The following MARCHF6 variants were observed in gnomAD, a reference collection of about 807,000 sequenced individuals.
MARCHF6 encodes the protein membrane associated ring-CH-type finger 6.
A neutral mutation model predicts 133.7 loss-of-function variants in MARCHF6; 31 were observed. The observed-to-expected ratio is 0.23, with a 90% confidence interval of 0.17 to 0.31. MARCHF6 has a LOEUF of 0.31. Ranked by LOEUF, MARCHF6 falls within the 10% of genes least tolerant of loss-of-function variation. The pLI, the probability that MARCHF6 is intolerant of heterozygous loss-of-function variation, is 1.00. For missense variants in MARCHF6, 723 were observed against 1,121.6 expected (o/e 0.64, Z 5.08); for synonymous variants, 395 against 402.5 (o/e 0.98, Z 0.22).
intron 1 of MARCHF6, among the ~76,000 whole-genome samples, chr5:10,368,218 A>G (rs1005667413): frequency 6.6e-6 from 1 of 152,180 alleles, no homozygotes; most frequent in Non-Finnish European, 1.5e-5. Context: ...TATGTTTGTA[A>G]TAGTCGTACT....
chr5:10,359,864 G>C (rs1430274616), intron 1 of MARCHF6, among the ~76,000 whole-genome samples: 1 of 152,052 alleles, frequency 6.6e-6, no homozygotes, highest in Admixed American at 6.6e-5. Context: ...AAATTAGCTG[G>C]ATGTGGTGGC....
intron 22 of MARCHF6, 57 bp downstream of exon 22, chr5:10,417,461 A>G (rs1178074289): frequency 6.2e-7 from 1 of 1,607,152 alleles, no homozygotes; most frequent in Non-Finnish European, 8.5e-7. Context: ...TCAGAAAATA[A>G]TCCTAGCCAG....
chr5:10,433,073 A>G (rs766069930), intron 25 of MARCHF6, among the ~76,000 whole-genome samples: 1 of 151,980 alleles, frequency 6.6e-6, no homozygotes, highest in Non-Finnish European at 1.5e-5. Context: ...TATTTTTAGT[A>G]GAGATGGGGT....
intron 1 of MARCHF6, among the ~76,000 whole-genome samples, chr5:10,370,868 T>C (rs771505691): frequency 3.3e-5 from 5 of 152,228 alleles, no homozygotes; most frequent in African/African-American, 4.8e-5. Context: ...TAATGTATGT[T>C]TTACTCGATG....
At chr5:10,415,766 T>TA (rs1233529542) in intron 21 of MARCHF6, 97 bp downstream of exon 21, 3 of 1,006,014 alleles carry the variant, frequency 3.0e-6, no homozygotes, top group Non-Finnish European at 4.3e-6. Context: ...TTTATTTCCT[T>TA]ACTATATTGT....
In MARCHF6 at chr5:10,382,120, C is replaced by T. The variant is rs143223676; in HGVS notation, c.334+177C>T. 2.4e-3 allele frequency among the ~76,000 whole-genome samples: 359 copies of T among 152,270 alleles called. 1 individual carries two copies. The highest frequency in any genetic ancestry group is 8.2e-3 in the Admixed American group (125 of 15,298). ...TCATCGGAACTAAGAATGAGTTTAA[C>T]AGGTCAGTTTTTTGAGTGAATGTGG... On this transcript the variant is annotated intron_variant, in intron 4 of 25. Coordinates refer to ENST00000274140, the MANE Select transcript of MARCHF6 (RefSeq NM_005885.4).
Position 10,426,298 on chromosome 5 carries a change from G to T in MARCHF6, c.2374-92G>T. The T allele has an allele frequency of 2.1e-6, 3 of 1,407,766 alleles. No individual in the cohort carries two copies. The South Asian group carries it at 4.0e-5, about 19-fold the overall frequency. 87.2% of individuals were successfully genotyped at this position (1,407,766 alleles called of 1,614,324 possible). A position where few individuals can be genotyped will look rare whatever the true frequency, so the allele number is the denominator to read the frequency against. The stretch of plus-strand genomic sequence containing the variant: ...GAAGTAACCAGTTTGACTATTTTTG[G>T]GTTGGCAGATTCAGTTGTGTGGAGA... On this transcript the variant is annotated intron_variant, in intron 23 of 25. Coordinates refer to ENST00000274140, the MANE Select transcript of MARCHF6 (RefSeq NM_005885.4).
At position 10,423,834 on chromosome 5, in the gene MARCHF6, A is replaced by G; in HGVS notation, c.2373+10A>G. On this transcript the variant is annotated intron_variant, in intron 23 of 25. Coordinates refer to ENST00000274140, the MANE Select transcript of MARCHF6 (RefSeq NM_005885.4). The stretch of plus-strand genomic sequence containing the variant: ...AACTGTAATTGAACAGGTAAGCAAA[A>G]TCAGTTTTCAGAGAAAGACATTCTG... 4 of 1,592,850 alleles carry G rather than the reference A, an allele frequency of 2.5e-6. No individual in the cohort carries two copies. Among genetic ancestry groups the G allele is most frequent in the Non-Finnish European group, 3.4e-6 (4 of 1,163,066 alleles).
At chr5:10,357,433 T>C (rs933492941) in intron 1 of MARCHF6, among the ~76,000 whole-genome samples, 5 of 152,122 alleles carry the variant, frequency 3.3e-5, no homozygotes, top group African/African-American at 1.2e-4. Flanking sequence ...GTAATTTTAT[T>C]ACAGAATACC....
chr5:10,378,846 A>G lies in MARCHF6; in HGVS notation c.190+14A>G, dbSNP rs370685023. On this transcript the variant is annotated intron_variant, in intron 3 of 25. Transcript: ENST00000274140. ...CTTTTACACCAAGTAAGTTCTTTAG[A>G]CATTTTCACTGCATTTTTTTTGGTT... 25 of 1,578,640 alleles carry G rather than the reference A, an allele frequency of 1.6e-5. No homozygotes were observed. The Middle Eastern group carries it at 5.0e-4, about 32-fold the overall frequency.
At chr5:10,376,835 T>C (rs1397183966) in intron 1 of MARCHF6, among the ~76,000 whole-genome samples, 1 of 152,184 alleles carries the variant, frequency 6.6e-6, no homozygotes, top group Admixed American at 6.5e-5. Flanking sequence ...GCATTAGTGA[T>C]GGGGATCGGG....
intron 1 of MARCHF6, among the ~76,000 whole-genome samples, chr5:10,375,640 G>A (rs531320445): frequency 1.0e-3 from 158 of 152,382 alleles, no homozygotes; most frequent in African/African-American, 3.6e-3. Flanking sequence ...TGGGGACGTG[G>A]AGAGTCTTTA....
rs1740684772 is a variant in MARCHF6 at position 10,437,115 on chromosome 5, TG to T, written c.*3432del. 1 of 152,274 alleles carries T rather than the reference TG, an allele frequency of 6.6e-6. No individual in the cohort carries two copies. Among genetic ancestry groups the T allele is most frequent in the Non-Finnish European group, 1.5e-5 (1 of 68,044 alleles). 9.4% of individuals were successfully genotyped at this position (152,274 alleles called of 1,614,324 possible). On this transcript the variant is annotated 3_prime_UTR_variant, in exon 26 of 26. Coordinates refer to ENST00000274140, the MANE Select transcript of MARCHF6 (RefSeq NM_005885.4). The stretch of plus-strand genomic sequence containing the variant: ...CTACATTGTATTGCGTTTGCGAATG[TG>T]CGTGAACACACGCACACGTGCAGGA...
chr5:10,424,028 C>G (rs1052036642), intron 23 of MARCHF6, among the ~76,000 whole-genome samples: 1 of 150,404 alleles, frequency 6.6e-6, no homozygotes, highest in African/African-American at 2.4e-5. Context: ...GTTCTCAACC[C>G]TTGTTTTTTT....
chr5:10,409,066 CCA>C (rs1329390158), intron 17 of MARCHF6, among the ~76,000 whole-genome samples: 1 of 152,092 alleles, frequency 6.6e-6, no homozygotes, highest in Admixed American at 6.6e-5. Flanking sequence ...AGCAATCCTT[CCA>C]CTTTGGTCGC....
intron 24 of MARCHF6, among the ~76,000 whole-genome samples, chr5:10,428,524 T>TA (rs1318981770): frequency 2.0e-5 from 3 of 151,980 alleles, no homozygotes; most frequent in Non-Finnish European, 2.9e-5. Flanking sequence ...GTCTTTTTGT[T>TA]AGAGACAGGG....
At chr5:10,392,188 ACC>A (rs1737900197) in intron 7 of MARCHF6, among the ~76,000 whole-genome samples, 1 of 152,088 alleles carries the variant, frequency 6.6e-6, no homozygotes, top group Non-Finnish European at 1.5e-5. Flanking sequence ...CGATCTCCTG[ACC>A]TTGTGAGCCG....
At chr5:10,399,998 A>G (rs1268636953) in intron 10 of MARCHF6, among the ~76,000 whole-genome samples, 16 of 152,148 alleles carry the variant, frequency 1.1e-4, no homozygotes, top group Admixed American at 1.0e-3. Context: ...TATTAGATTC[A>G]GGTTGAATAC....
chr5:10,412,448 T>C (rs1739282843), intron 19 of MARCHF6, among the ~76,000 whole-genome samples: 1 of 152,128 alleles, frequency 6.6e-6, no homozygotes, highest in East Asian at 1.9e-4. Flanking sequence ...AGGTGGTGCC[T>C]GAACTGTCTT....
Sources: allele counts gnomAD v4.1 joint callset (sites outside exome capture counted in the v4.1 genomes callset), GRCh38; gene constraint gnomAD v4.1.1; transcripts MANE v1.5; gene names NCBI Gene and HGNC (gene_info 2026-07-23, HGNC 2026-07-21).